The following KIRREL1 variants were observed in gnomAD, a reference collection of about 807,000 sequenced individuals.
KIRREL1 encodes the protein kirre like nephrin family adhesion molecule 1, also known as kin of IRRE-like protein 1.
KIRREL1 carries 25 observed loss-of-function variants against 83.3 expected under a neutral mutation model. The ratio of observed to expected loss-of-function variants is 0.30; its 90% confidence interval spans 0.22 to 0.42. The LOEUF is 0.42. KIRREL1 is among the 10% of genes least tolerant of loss of function. The pLI is 1.00. For synonymous variants in KIRREL1, 388 were observed against 410.4 expected, an observed-to-expected ratio of 0.95 and a Z score of 0.66; for missense variants, 812 against 1,032.3, an observed-to-expected ratio of 0.79 and a Z score of 2.92.
Position 158,099,062 on chromosome 1 carries a change from G to A in KIRREL1, c.*3942G>A, listed in dbSNP as rs369505125. The stretch of plus-strand genomic sequence containing the variant: ...TGCCTTGTTCTTTGCTGTGTGGAAG[G>A]TTCTGTCCCTACTGCTGAACTCCAG... On this transcript the variant is annotated 3_prime_UTR_variant, in exon 15 of 15. Transcript: ENST00000359209. 2.6e-5 allele frequency: 4 copies of A among 152,240 alleles called. No individual in the cohort carries two copies. In the South Asian group the frequency reaches 8.3e-4, roughly 32 times the overall value. 9.4% of individuals were successfully genotyped at this position (152,240 alleles called of 1,614,324 possible). A position where few individuals can be genotyped will look rare whatever the true frequency, so the allele number is the denominator to read the frequency against.
intron 1 of KIRREL1, among the ~76,000 whole-genome samples, chr1:158,001,759 G>T (rs1296848947): frequency 6.6e-6 from 1 of 152,134 alleles, no homozygotes; most frequent in Non-Finnish European, 1.5e-5. Flanking sequence ...CTGAGGATTT[G>T]GGTTGGTTTG....
rs1661732610 is a variant in KIRREL1, at chr1:158,077,976, T to G, written c.203-15T>G. 2 of 1,613,634 alleles carry G rather than the reference T, an allele frequency of 1.2e-6. No individual in the cohort carries two copies. The highest frequency in any genetic ancestry group is 1.7e-6 in the Non-Finnish European group (2 of 1,179,580). On this transcript the variant is annotated splice_polypyrimidine_tract_variant and intron_variant, in intron 2 of 14. Transcript: ENST00000359209. ...CTTGTTTCAAGGTTGGGCCTCATTC[T>G]TTCTGTTTCTGCAGCCTGGCCACGG...
intron 1 of KIRREL1, among the ~76,000 whole-genome samples, chr1:158,041,815 C>G (rs1227678745): frequency 1.3e-5 from 2 of 152,174 alleles, no homozygotes; most frequent in African/African-American, 4.8e-5. Context: ...AAACCCTAGG[C>G]TGATGCTAGG....
chr1:158,089,488 C>T lies in KIRREL1; in HGVS notation c.1045-14C>T. 6.2e-7 allele frequency: 1 copy of T among 1,613,954 alleles called. No homozygotes were observed. Among genetic ancestry groups the T allele is most frequent in the Non-Finnish European group, 8.5e-7 (1 of 1,179,990 alleles). ...CCTCCTGGCTCCCCACCCGAGGCTG[C>T]TCTCTCTGCCCAGGTCCTGAGTAAC... is the stretch of plus-strand genomic sequence containing the variant. On this transcript the variant is annotated splice_polypyrimidine_tract_variant and intron_variant, in intron 8 of 14. Coordinates refer to ENST00000359209, the MANE Select transcript of KIRREL1 (RefSeq NM_018240.7).
chr1:158,088,035 A>C lies in KIRREL1; in HGVS notation c.797A>C (p.Asp266Ala). 6.2e-7 allele frequency: 1 copy of C among 1,614,082 alleles called. No individual in the cohort carries two copies. Among genetic ancestry groups the C allele is most frequent in the Non-Finnish European group, 8.5e-7 (1 of 1,180,016 alleles). ...GCCAAAGGGGGTTTCTTGATTGAAG[A>C]CGCCCACGAGAGTCGCTATGAGACA... The part of the protein sequence containing the change: ...RWAKGGFLIE[D>A]AHESRYETNV... Residue 266 changes from aspartate to alanine, a missense_variant, in exon 7 of 15, where the codon GAC becomes GCC. By Grantham distance (126) the Asp-to-Ala change is moderately radical. This residue lies in a region of KIRREL1 where 472 missense variants were observed against 626.8 expected (regional missense o/e 0.75). Transcript: ENST00000359209.
intron 1 of KIRREL1, among the ~76,000 whole-genome samples, chr1:158,032,018 G>A (rs1289638743): frequency 6.6e-6 from 1 of 152,092 alleles, no homozygotes; most frequent in African/African-American, 2.4e-5. Flanking sequence ...AGGTGGCTGA[G>A]CCTGCGGCTG....
chr1:158,026,858 G>C (rs1660186199), intron 1 of KIRREL1, among the ~76,000 whole-genome samples: 1 of 152,086 alleles, frequency 6.6e-6, no homozygotes, highest in African/African-American at 2.4e-5. Flanking sequence ...TTTTTCCTCT[G>C]CTCTGCACCC....
At chr1:158,033,507 G>C (rs1471846963) in intron 1 of KIRREL1, among the ~76,000 whole-genome samples, 1 of 152,120 alleles carries the variant, frequency 6.6e-6, no homozygotes, top group Non-Finnish European at 1.5e-5. Flanking sequence ...TGACTTTTTG[G>C]CATCAGTGCT....
Position 158,084,426 on chromosome 1 carries a change from C to G in KIRREL1, c.357C>G (p.Pro119=). 6.4e-7 allele frequency: 1 copy of G among 1,551,592 alleles called. No individual in the cohort carries two copies. The highest frequency in any genetic ancestry group is 8.7e-7 in the Non-Finnish European group (1 of 1,146,908). ...TTGCTCTGCTTTCTCCCACAGTCCC[C>G]CCAGAGGACACCAGGATTGACGGAG... ...SRRAKLTVLI[P]PEDTRIDGGP... Residue 119 remains proline, a synonymous_variant, in exon 4 of 15, where the codon CCC becomes CCG. Coordinates refer to ENST00000359209, the MANE Select transcript of KIRREL1 (RefSeq NM_018240.7).
chr1:158,060,190 C>T (rs1451973512), intron 1 of KIRREL1, among the ~76,000 whole-genome samples: 1 of 152,200 alleles, frequency 6.6e-6, no homozygotes, highest in Non-Finnish European at 1.5e-5. Context: ...TCCTCCTTCG[C>T]CTTTCCCAGC....
At chr1:158,082,839 A>G (rs547672736) in intron 3 of KIRREL1, among the ~76,000 whole-genome samples, 1 of 152,068 alleles carries the variant, frequency 6.6e-6, no homozygotes, top group South Asian at 2.1e-4. Context: ...GATGGTGTGT[A>G]CCTGTAGTTT....
intron 1 of KIRREL1, among the ~76,000 whole-genome samples, chr1:158,075,696 G>A (rs1471114162): frequency 6.6e-6 from 1 of 152,174 alleles, no homozygotes; most frequent in Non-Finnish European, 1.5e-5. Context: ...GCAATGGGTA[G>A]TAGAGGAACA....
At chr1:158,054,022 C>T (rs1369688425) in intron 1 of KIRREL1, among the ~76,000 whole-genome samples, 1 of 151,608 alleles carries the variant, frequency 6.6e-6, no homozygotes, top group Non-Finnish European at 1.5e-5. Context: ...ACCAGCCTGA[C>T]CAACTTGGTG....
At position 158,075,432 on chromosome 1, in the gene KIRREL1, C is replaced by T. The variant is rs533164472; in HGVS notation, c.53-681C>T. Among the ~76,000 whole-genome samples the T allele has an allele frequency of 2.0e-5, 3 of 152,222 alleles. No homozygotes were observed. The East Asian group carries it at 5.8e-4, about 29-fold the overall frequency. ...ACTTAGGCCCCCCTGCACTTGGGAG[C>T]GAAGGATGAACACACAGAGCAGGGC... On this transcript the variant is annotated intron_variant, in intron 1 of 14. Transcript: ENST00000359209.
At chr1:158,072,303 A>T (rs956452149) in intron 1 of KIRREL1, among the ~76,000 whole-genome samples, 10 of 152,026 alleles carry the variant, frequency 6.6e-5, no homozygotes, top group Admixed American at 5.2e-4. Context: ...CACAGGCAGG[A>T]CTGTGGACTC....
chr1:158,055,119 A>C (rs1230297545), intron 1 of KIRREL1, among the ~76,000 whole-genome samples: 2 of 151,844 alleles, frequency 1.3e-5, no homozygotes, highest in Non-Finnish European at 2.9e-5. Context: ...TGCACTTGGG[A>C]CTCTGCTGCC....
chr1:158,047,396 G>A (rs913303992), intron 1 of KIRREL1, among the ~76,000 whole-genome samples: 8 of 152,138 alleles, frequency 5.3e-5, no homozygotes, highest in Admixed American at 2.6e-4. Flanking sequence ...GGGGTTCAGG[G>A]GAAGGTCAGG....
At chr1:158,072,954 A>T (rs973339128) in intron 1 of KIRREL1, among the ~76,000 whole-genome samples, 1 of 152,104 alleles carries the variant, frequency 6.6e-6, no homozygotes, top group Admixed American at 6.5e-5. Flanking sequence ...CTTGAGTGTC[A>T]AGAAGCCACT....
chr1:158,032,263 G>A (rs1660349034), intron 1 of KIRREL1, among the ~76,000 whole-genome samples: 1 of 152,190 alleles, frequency 6.6e-6, no homozygotes, highest in Admixed American at 6.5e-5. Flanking sequence ...ACAGGGCTGG[G>A]AGATGGCTGG....
Sources: allele counts gnomAD v4.1 joint callset (sites outside exome capture counted in the v4.1 genomes callset), GRCh38; gene constraint gnomAD v4.1.1; regional missense constraint gnomAD v4.1.1; transcripts MANE v1.5; gene names NCBI Gene and HGNC (gene_info 2026-07-23, HGNC 2026-07-21).